DPF3: variants seen among roughly 807,000 people sequenced by gnomAD.
DPF3 encodes double PHD fingers 3.
DPF3 carries 18 observed loss-of-function variants against 56.8 expected under a neutral mutation model. The observed-to-expected ratio is 0.32, with a 90% CI of 0.22 to 0.47. The LOEUF is 0.47. Ranked by LOEUF, DPF3 falls within the 20% of genes least tolerant of loss-of-function variation. The probability of loss-of-function intolerance (pLI) is 1.00; values close to 1 mark genes in which losing one functional copy is unlikely to be tolerated. For synonymous variants in DPF3, 188 were observed against 180.2 expected, an observed-to-expected ratio of 1.04 and a Z score of -0.35; for missense variants, 403 against 488.8, an observed-to-expected ratio of 0.82 and a Z score of 1.65.
intron 8 of DPF3, among the ~76,000 whole-genome samples, chr14:72,640,620 T>C (rs1173261742): frequency 6.6e-6 from 1 of 152,126 alleles, no homozygotes; most frequent in Non-Finnish European, 1.5e-5. Flanking sequence ...TGAATATGTG[T>C]GTGAGGAAGA....
At chr14:72,846,553 G>A (rs1221613700) in intron 1 of DPF3, among the ~76,000 whole-genome samples, 1 of 151,554 alleles carries the variant, frequency 6.6e-6, no homozygotes, top group African/African-American at 2.4e-5. Flanking sequence ...AGCCAGGATG[G>A]TCTCAATCTC....
At chr14:72,868,513 T>C (rs1239912915) in intron 1 of DPF3, among the ~76,000 whole-genome samples, 2 of 152,144 alleles carry the variant, frequency 1.3e-5, no homozygotes, top group South Asian at 2.1e-4. Context: ...GGGATTTTGA[T>C]TCAGTGGCTC....
At chr14:72,870,482 C>G (rs1331930371) in intron 1 of DPF3, among the ~76,000 whole-genome samples, 3 of 152,226 alleles carry the variant, frequency 2.0e-5, no homozygotes, top group Admixed American at 2.0e-4. Flanking sequence ...TGTTCTTTCT[C>G]AGAAGGACCC....
At chr14:72,846,222 T>C (rs1884748499) in intron 1 of DPF3, among the ~76,000 whole-genome samples, 1 of 151,626 alleles carries the variant, frequency 6.6e-6, no homozygotes, top group African/African-American at 2.4e-5. Context: ...GCAATTCTCA[T>C]GTCTCAGCCT....
intron 1 of DPF3, among the ~76,000 whole-genome samples, chr14:72,815,695 C>T (rs1883254263): frequency 6.6e-6 from 1 of 152,216 alleles, no homozygotes; most frequent in African/African-American, 2.4e-5. Context: ...CCTATTGCTA[C>T]TCTAACAAAT....
At chr14:72,786,107 C>CA (rs1367256515) in intron 1 of DPF3, among the ~76,000 whole-genome samples, 1 of 151,914 alleles carries the variant, frequency 6.6e-6, no homozygotes, top group Admixed American at 6.6e-5. Flanking sequence ...ACTAAAAATA[C>CA]AAAAAATTAG....
At chr14:72,874,657 C>A (rs192148833) in intron 1 of DPF3, among the ~76,000 whole-genome samples, 3 of 152,338 alleles carry the variant, frequency 2.0e-5, no homozygotes, top group Non-Finnish European at 4.4e-5. Context: ...ACAAGTTCCT[C>A]ATCTCCATCT....
intron 6 of DPF3, among the ~76,000 whole-genome samples, chr14:72,702,735 C>T (rs747230818): frequency 2.0e-5 from 3 of 152,174 alleles, no homozygotes; most frequent in Non-Finnish European, 2.9e-5. Context: ...AAACTCAGAT[C>T]GGGATAAAGC....
At chr14:72,700,936 A>C (rs563504576) in intron 6 of DPF3, among the ~76,000 whole-genome samples, 1 of 152,306 alleles carries the variant, frequency 6.6e-6, no homozygotes, top group African/African-American at 2.4e-5. Context: ...AAGAGAATAA[A>C]CCCCAAAGTG....
rs1420099094 is a variant in DPF3 at position 72,617,925 on chromosome 14, T to C, written c.*1372A>G. Among the ~76,000 whole-genome samples the C allele has an allele frequency of 6.6e-6, 1 of 152,054 alleles. No individual in the cohort carries two copies. Among genetic ancestry groups the C allele is most frequent in the Non-Finnish European group, 1.5e-5 (1 of 68,028 alleles). ...GACCTGCCCTTTGGGCAAATGATTT[T>C]TCCAGAAATATGTCAGTTATTGTGC... On this transcript the variant is annotated 3_prime_UTR_variant, in exon 11 of 11. Transcript: ENST00000556509.
intron 1 of DPF3, among the ~76,000 whole-genome samples, chr14:72,860,236 G>T (rs1365106725): frequency 2.0e-5 from 3 of 152,128 alleles, no homozygotes; most frequent in Non-Finnish European, 4.4e-5. Flanking sequence ...AGGCTAGAAT[G>T]CAGTGGCACA....
At chr14:72,634,949 A>C (rs1222572753) in intron 8 of DPF3, among the ~76,000 whole-genome samples, 3 of 152,082 alleles carry the variant, frequency 2.0e-5, no homozygotes, top group East Asian at 1.9e-4. Flanking sequence ...ATCATTAAAA[A>C]CCTAGTCCTT....
Position 72,616,532 on chromosome 14 carries a change from C to T in DPF3, c.*2765G>A, listed in dbSNP as rs2803962. ...CAAGAAGGCGGACATGGAAAACATC[C>T]GGAGTTCTTCCCAGACAAGCATGGC... On this transcript the variant is annotated 3_prime_UTR_variant, in exon 11 of 11. Coordinates refer to ENST00000556509, the MANE Select transcript of DPF3 (RefSeq NM_001280542.3). 0.64 allele frequency among the ~76,000 whole-genome samples: 97,597 copies of T among 152,020 alleles called. 32,423 individuals carry two copies. The highest frequency in any genetic ancestry group is 0.99 in the East Asian group (5,099 of 5,166).
chr14:72,717,970 A>G (rs946283628), intron 5 of DPF3, among the ~76,000 whole-genome samples: 7 of 152,202 alleles, frequency 4.6e-5, no homozygotes, highest in Admixed American at 4.6e-4. Context: ...CTGGCTCGGG[A>G]GTAGTCACCT....
chr14:72,732,130 G>A (rs766723652), intron 3 of DPF3, among the ~76,000 whole-genome samples, 196 bp from the exon 4 acceptor site: 1 of 152,146 alleles, frequency 6.6e-6, no homozygotes, highest in Non-Finnish European at 1.5e-5. Flanking sequence ...GACAGATTCC[G>A]ACCATGCCCA....
chr14:72,638,453 G>A (rs1885447597), intron 8 of DPF3, among the ~76,000 whole-genome samples: 1 of 152,168 alleles, frequency 6.6e-6, no homozygotes, highest in Non-Finnish European at 1.5e-5. Context: ...TGGAAACCCT[G>A]TAATCCCTGT....
chr14:72,722,608 A>G (rs1889221213), intron 5 of DPF3, among the ~76,000 whole-genome samples: 1 of 152,168 alleles, frequency 6.6e-6, no homozygotes, highest in African/African-American at 2.4e-5. Context: ...GCCTGGGACT[A>G]AGTGCTTATC....
At chr14:72,755,846 C>T (rs1009261876) in intron 2 of DPF3, among the ~76,000 whole-genome samples, 2 of 152,210 alleles carry the variant, frequency 1.3e-5, no homozygotes, top group Non-Finnish European at 2.9e-5. Flanking sequence ...TTGCCCTCCT[C>T]AACAGGCTGA....
At chr14:72,747,746 G>A (rs942420620) in intron 3 of DPF3, among the ~76,000 whole-genome samples, 7 of 152,080 alleles carry the variant, frequency 4.6e-5, no homozygotes, top group African/African-American at 1.4e-4. Flanking sequence ...ATCAAATCAT[G>A]GGGGAGGGTC....
Sources: allele counts gnomAD v4.1 joint callset (sites outside exome capture counted in the v4.1 genomes callset), GRCh38; gene constraint gnomAD v4.1.1; transcripts MANE v1.5; gene names NCBI Gene and HGNC (gene_info 2026-07-23, HGNC 2026-07-21).